The following RFX4 variants were observed in gnomAD, a reference collection of about 807,000 sequenced individuals.
RFX4 encodes regulatory factor X4.
Under a neutral mutation model 95.0 loss-of-function variants are expected in RFX4, and 10 were observed. That is an observed-to-expected ratio of 0.11 (90% CI 0.06 to 0.18). The LOEUF (loss-of-function observed/expected upper bound fraction) is 0.18, where lower values mean the gene tolerates loss of function less well. RFX4 is among the 10% of genes least tolerant of loss of function. The pLI is 1.00. For missense variants in RFX4, 640 were observed against 922.0 expected (o/e 0.69, Z 3.96); for synonymous variants, 321 against 340.7 (o/e 0.94, Z 0.64).
intron 1 of RFX4, among the ~76,000 whole-genome samples, chr12:106,607,113 A>T (rs1375227337): frequency 1.3e-5 from 2 of 152,216 alleles, no homozygotes; most frequent in African/African-American, 4.8e-5. Context: ...ATCATAAAGA[A>T]GGCAATGGGA....
intron 2 of RFX4, among the ~76,000 whole-genome samples, chr12:106,620,925 G>A (rs751439956): frequency 1.2e-4 from 19 of 152,042 alleles, no homozygotes; most frequent in Non-Finnish European, 1.9e-4. Context: ...CTACTTGCAC[G>A]TCCATTTATA....
chr12:106,649,496 G>A (rs978301632), intron 3 of RFX4, among the ~76,000 whole-genome samples: 1 of 152,188 alleles, frequency 6.6e-6, no homozygotes, highest in African/African-American at 2.4e-5. Flanking sequence ...AGGAGGCTCT[G>A]GCCTTTGACA....
chr12:106,702,449 T>A (rs1287381685), intron 8 of RFX4, among the ~76,000 whole-genome samples: 1 of 152,188 alleles, frequency 6.6e-6, no homozygotes, highest in Non-Finnish European at 1.5e-5. Context: ...TGTGCTTAAG[T>A]TGGAGATTTG....
At chr12:106,601,036 G>A (rs2039694893) in intron 1 of RFX4, 5 of 952,612 alleles carry the variant, frequency 5.2e-6, no homozygotes, top group African/African-American at 1.7e-5. Context: ...TCAAACAGTA[G>A]GTTCTAAATC....
intron 2 of RFX4, among the ~76,000 whole-genome samples, chr12:106,611,036 AT>A (rs1044101015): frequency 6.6e-6 from 1 of 151,968 alleles, no homozygotes; most frequent in African/African-American, 2.4e-5. Context: ...ATGGTATCCC[AT>A]TGTGGTTTTC....
chr12:106,658,122 A>G (rs2040997541), intron 4 of RFX4, among the ~76,000 whole-genome samples: 1 of 152,166 alleles, frequency 6.6e-6, no homozygotes, highest in Non-Finnish European at 1.5e-5. Context: ...GCCCTCAGAT[A>G]TTTGTTACAT....
At chr12:106,636,389 T>G (rs1592878370) in intron 2 of RFX4, among the ~76,000 whole-genome samples, 1 of 97,316 alleles carries the variant, frequency 1.0e-5, no homozygotes, top group Non-Finnish European at 2.1e-5. Flanking sequence ...AAACTCTGTC[T>G]CAAAAAAAAA....
chr12:106,716,028 A>G lies in RFX4; in HGVS notation c.1138+484A>G, dbSNP rs188269415. 1.8e-3 allele frequency among the ~76,000 whole-genome samples: 276 copies of G among 152,278 alleles called. 1 individual carries two copies. The highest frequency in any genetic ancestry group is 6.3e-3 in the African/African-American group (262 of 41,562). On this transcript the variant is annotated intron_variant, in intron 11 of 17. Transcript: ENST00000392842. ...ATTTTACTTCTGTGAATATATGTTC[A>G]TGTCCCGGTGAACAAGGGCTTCCAA... is the stretch of plus-strand genomic sequence containing the variant.
chr12:106,605,438 C>T (rs17038568), intron 1 of RFX4, among the ~76,000 whole-genome samples: 2,302 of 152,296 alleles, frequency 0.015, 57 homozygotes, highest in African/African-American at 0.053. Flanking sequence ...GGTCAAAGTG[C>T]ACCTGCAGAT....
Position 106,586,647 on chromosome 12 carries a change from A to G in RFX4, c.43+3284A>G, listed in dbSNP as rs1443257662. Among the ~76,000 whole-genome samples the G allele has an allele frequency of 6.6e-6, 1 of 152,120 alleles. No individual in the cohort carries two copies. On this transcript the variant is annotated intron_variant, in intron 1 of 17. Coordinates refer to ENST00000392842, the MANE Select transcript of RFX4 (RefSeq NM_213594.3). The surrounding 1 kb of genome is among the most constrained non-coding windows in gnomAD (Gnocchi z 5.6). ...CTGAGGCGGCCAAAGTACTTCCTGG[A>G]GCCGGATTTGAGTTCCCCGGGCCGC... is the stretch of plus-strand genomic sequence containing the variant.
intron 4 of RFX4, among the ~76,000 whole-genome samples, chr12:106,658,498 C>A (rs887557071): frequency 3.3e-5 from 5 of 152,218 alleles, no homozygotes; most frequent in Admixed American, 2.6e-4. Context: ...AAACTTCAAT[C>A]TCACATCTAA....
intron 1 of RFX4, among the ~76,000 whole-genome samples, chr12:106,603,449 T>C (rs1374726118): frequency 6.6e-6 from 1 of 152,242 alleles, no homozygotes; most frequent in Admixed American, 6.5e-5. Context: ...CTCTAAGGTA[T>C]GTGGGCTGAA....
At position 106,656,736 on chromosome 12, in the gene RFX4, GTCTC is replaced by G. The variant is rs528292088; in HGVS notation, c.315+2389_315+2392del. On this transcript the variant is annotated intron_variant, in intron 4 of 17. Coordinates refer to ENST00000392842, the MANE Select transcript of RFX4 (RefSeq NM_213594.3). ...CTCCTTGAGACACCCCCCACCAAAT[GTCTC>G]TCTTCTGCGATCTTTGGTTTCTGCT... is the stretch of plus-strand genomic sequence containing the variant. Among the ~76,000 whole-genome samples the G allele has an allele frequency of 6.7e-4, 101 of 151,844 alleles. No homozygotes were observed. In the South Asian group the frequency reaches 0.011, roughly 16 times the overall value.
chr12:106,594,812 A>G (rs1297718217), intron 1 of RFX4, among the ~76,000 whole-genome samples: 1 of 151,738 alleles, frequency 6.6e-6, no homozygotes, highest in Non-Finnish European at 1.5e-5. Flanking sequence ...TAAAAAAAAA[A>G]AAAAGAAATG....
Position 106,588,679 on chromosome 12 carries a change from A to T in RFX4, c.43+5316A>T, listed in dbSNP as rs75133288. Among the ~76,000 whole-genome samples the T allele has an allele frequency of 4.9e-4, 74 of 152,210 alleles. 2 individuals carry two copies. The East Asian group carries it at 0.014, about 29-fold the overall frequency. ...GTAATTGTGGGTTTGCACAACCCGC[A>T]ATTACTTTTGCATCAACCCAATAAA... On this transcript the variant is annotated intron_variant, in intron 1 of 17. Coordinates refer to ENST00000392842, the MANE Select transcript of RFX4 (RefSeq NM_213594.3).
intron 3 of RFX4, among the ~76,000 whole-genome samples, chr12:106,647,272 C>A (rs1198381959): frequency 6.6e-6 from 1 of 152,176 alleles, no homozygotes; most frequent in African/African-American, 2.4e-5. Flanking sequence ...ACTTTAGAGG[C>A]ATCATACCTG....
intron 2 of RFX4, among the ~76,000 whole-genome samples, chr12:106,628,747 T>A (rs1449772250): frequency 6.6e-6 from 1 of 151,036 alleles, no homozygotes; most frequent in African/African-American, 2.4e-5. Context: ...AAATGAAAAA[T>A]TCAAATATAT....
chr12:106,729,386 CAAT>C (rs1022032161), intron 13 of RFX4, among the ~76,000 whole-genome samples: 4 of 152,086 alleles, frequency 2.6e-5, no homozygotes, highest in African/African-American at 4.8e-5. Context: ...GGGATCTTAG[CAAT>C]AATAATAATA....
At chr12:106,721,139 G>A (rs920522029) in intron 13 of RFX4, among the ~76,000 whole-genome samples, 10 of 152,086 alleles carry the variant, frequency 6.6e-5, no homozygotes, top group Non-Finnish European at 1.3e-4. Context: ...TGCAGTGGCT[G>A]TACTCCCCAT....
Sources: allele counts gnomAD v4.1 joint callset (sites outside exome capture counted in the v4.1 genomes callset), GRCh38; gene constraint gnomAD v4.1.1; non-coding constraint Gnocchi (gnomAD v3.1); transcripts MANE v1.5; gene names NCBI Gene and HGNC (gene_info 2026-07-23, HGNC 2026-07-21).